PACS1: variants seen among roughly 807,000 people sequenced by gnomAD.
PACS1 encodes the protein phosphofurin acidic cluster sorting protein 1.
A neutral mutation model predicts 115.0 loss-of-function variants in PACS1; 24 were observed. The observed-to-expected ratio is 0.21, with a 90% CI of 0.15 to 0.29. The LOEUF (loss-of-function observed/expected upper bound fraction) is 0.29, where lower values mean the gene tolerates loss of function less well. Among genes scored for constraint, PACS1 ranks in the 10% least tolerant of loss-of-function variants. The pLI, the probability that PACS1 is intolerant of heterozygous loss-of-function variation, is 1.00. For synonymous variants in PACS1, 453 were observed against 504.5 expected, an observed-to-expected ratio of 0.90 and a Z score of 1.37; for missense variants, 838 against 1,251.2, an observed-to-expected ratio of 0.67 and a Z score of 4.98.
At chr11:66,241,130 A>T (rs766632182) in intron 21 of PACS1, 1 of 367,164 alleles carries the variant, frequency 2.7e-6, no homozygotes, top group Admixed American at 4.0e-5. Context: ...GCATGCACTT[A>T]TGTACACACA....
intron 9 of PACS1, 115 bp from the exon 10 acceptor site, chr11:66,221,039 C>T (rs1003107333): frequency 3.7e-5 from 38 of 1,017,348 alleles, no homozygotes; most frequent in Admixed American, 1.4e-4. Flanking sequence ...GCTCACCGGG[C>T]GTTCTGGACA....
intron 1 of PACS1, among the ~76,000 whole-genome samples, chr11:66,180,920 A>G (rs1396694602): frequency 6.6e-6 from 1 of 152,192 alleles, no homozygotes; most frequent in African/African-American, 2.4e-5. Flanking sequence ...TGGCCTCCCA[A>G]AGTGCTGGGA....
At chr11:66,195,683 G>A (rs1380289347) in intron 2 of PACS1, among the ~76,000 whole-genome samples, 32 of 152,122 alleles carry the variant, frequency 2.1e-4, no homozygotes, top group Non-Finnish European at 5.9e-5. Context: ...AATTACAGAT[G>A]TCACCACATT....
In PACS1 at chr11:66,120,946, G is replaced by A. The variant is rs917367405; in HGVS notation, c.356+50104G>A. ...CTGTGCTTCCACAGGGCCTGTGCAC[G>A]CCTCTCTCTGCTTCCCACTGTGTGC... On this transcript the variant is annotated intron_variant, in intron 1 of 23. Transcript: ENST00000320580. The A allele has an allele frequency of 2.9e-5, 13 of 451,492 alleles. No homozygotes were observed. In the East Asian group the frequency reaches 3.5e-4, roughly 12 times the overall value. 28.0% of individuals were successfully genotyped at this position (451,492 alleles called of 1,614,324 possible). A position where few individuals can be genotyped will look rare whatever the true frequency, so the allele number is the denominator to read the frequency against.
Position 66,089,596 on chromosome 11 carries a change from C to T in PACS1, c.356+18754C>T, listed in dbSNP as rs769058551. ...TTGGGGTCTATGACCTTTTGCAGCT[C>T]AATCTTCTCCTCGAAATAGAAATAA... On this transcript the variant is annotated intron_variant, in intron 1 of 23. Coordinates refer to ENST00000320580, the MANE Select transcript of PACS1 (RefSeq NM_018026.4). Among the ~76,000 whole-genome samples, 81 of 152,138 alleles carry T rather than the reference C, an allele frequency of 5.3e-4. 1 individual carries two copies. Among genetic ancestry groups the T allele is most frequent in the African/African-American group, 1.8e-3 (75 of 41,430 alleles).
At chr11:66,182,608 A>G (rs1860035615) in intron 1 of PACS1, among the ~76,000 whole-genome samples, 1 of 152,102 alleles carries the variant, frequency 6.6e-6, no homozygotes, top group Non-Finnish European at 1.5e-5. Context: ...AACTATAGGC[A>G]TGTAGGCACA....
intron 1 of PACS1, among the ~76,000 whole-genome samples, chr11:66,145,341 AGGTAATGC>A (rs1464672536): frequency 6.6e-6 from 1 of 152,118 alleles, no homozygotes; most frequent in Non-Finnish European, 1.5e-5. Context: ...TGGCTGCCAG[AGGTAATGC>A]GCTTGATTTG....
At chr11:66,145,375 C>T (rs1187627485) in intron 1 of PACS1, among the ~76,000 whole-genome samples, 1 of 152,080 alleles carries the variant, frequency 6.6e-6, no homozygotes, top group East Asian at 1.9e-4. Context: ...GGTGAAAAGC[C>T]CCTGTCCGGT....
intron 1 of PACS1, among the ~76,000 whole-genome samples, chr11:66,085,201 T>A (rs1407395337): frequency 1.3e-5 from 2 of 151,808 alleles, no homozygotes; most frequent in South Asian, 2.1e-4. Context: ...ACTGTAAGAG[T>A]TTTTTTCTTT....
chr11:66,198,159 C>T (rs1854690696), intron 2 of PACS1, among the ~76,000 whole-genome samples: 1 of 152,260 alleles, frequency 6.6e-6, no homozygotes, highest in Non-Finnish European at 1.5e-5. Flanking sequence ...AAGCAATCCT[C>T]TCGCCTTGAC....
intron 1 of PACS1, among the ~76,000 whole-genome samples, chr11:66,071,990 C>T (rs1425805453): frequency 6.6e-6 from 1 of 152,162 alleles, no homozygotes; most frequent in African/African-American, 2.4e-5. Flanking sequence ...GTGCCCCTTC[C>T]TGACTGTCTC....
At chr11:66,168,386 C>G (rs991604327) in intron 1 of PACS1, among the ~76,000 whole-genome samples, 1 of 150,596 alleles carries the variant, frequency 6.6e-6, no homozygotes, top group African/African-American at 2.5e-5. Context: ...TACAGTATAA[C>G]TTACAACTCC....
chr11:66,081,256 A>G (rs1356948202), intron 1 of PACS1, among the ~76,000 whole-genome samples: 3 of 152,108 alleles, frequency 2.0e-5, no homozygotes, highest in Non-Finnish European at 4.4e-5. Flanking sequence ...AAAGAAAGAA[A>G]GAAAAGAAAA....
intron 1 of PACS1, among the ~76,000 whole-genome samples, chr11:66,191,178 C>T (rs1854511744): frequency 6.6e-6 from 1 of 152,146 alleles, no homozygotes; most frequent in African/African-American, 2.4e-5. Flanking sequence ...TTCCTTGGCT[C>T]CTGACCCCCT....
At chr11:66,156,573 G>A (rs868301640) in intron 1 of PACS1, among the ~76,000 whole-genome samples, 8 of 151,916 alleles carry the variant, frequency 5.3e-5, no homozygotes, top group African/African-American at 1.7e-4. Context: ...AAATCTTTCC[G>A]GCTGGGCATG....
At chr11:66,238,689 C>G in intron 19 of PACS1, 115 bp from the exon 20 acceptor site, 1 of 987,084 alleles carries the variant, frequency 1.0e-6, no homozygotes, top group Non-Finnish European at 1.6e-6. Flanking sequence ...ATTTTAAAGT[C>G]GGCAATAAAA....
intron 1 of PACS1, among the ~76,000 whole-genome samples, chr11:66,171,906 C>T (rs1451651999): frequency 2.0e-5 from 3 of 152,010 alleles, no homozygotes; most frequent in African/African-American, 4.8e-5. Context: ...ACTATGCATT[C>T]GAAAGATAGA....
chr11:66,188,174 T>G (rs1854431425), intron 1 of PACS1, among the ~76,000 whole-genome samples: 1 of 151,808 alleles, frequency 6.6e-6, no homozygotes, highest in Non-Finnish European at 1.5e-5. Context: ...TTTTTTTTTT[T>G]TTTGGCCGTT....
intron 1 of PACS1, among the ~76,000 whole-genome samples, chr11:66,090,978 A>C (rs1186390132): frequency 6.6e-6 from 1 of 152,198 alleles, no homozygotes; most frequent in Non-Finnish European, 1.5e-5. Flanking sequence ...TAATACTAAT[A>C]AAATATTGAA....
Sources: gnomAD v4.1 joint callset for allele counts (sites outside exome capture counted in the v4.1 genomes callset) on GRCh38, gnomAD v4.1.1 for gene constraint, MANE v1.5 for transcripts, NCBI Gene and HGNC (gene_info 2026-07-23, HGNC 2026-07-21) for gene names.